TAF8: variants seen among roughly 807,000 people sequenced by gnomAD.
The protein encoded by TAF8 is transcription initiation factor TFIID subunit 8.
TAF8 carries 47 observed loss-of-function variants against 36.5 expected under a neutral mutation model. The observed-to-expected ratio is 1.29, with a 90% CI of 1.02 to 1.64. The LOEUF (loss-of-function observed/expected upper bound fraction) is 1.64. TAF8 is among the 40% of genes most tolerant of loss of function. The pLI is 0.00. For missense variants in TAF8, 420 were observed against 407.6 expected, an observed-to-expected ratio of 1.03 and a Z score of -0.26; for synonymous variants, 175 against 159.5, an observed-to-expected ratio of 1.10 and a Z score of -0.73.
chr6:42,051,276 A>G, intron 1 of TAF8, 81 bp from the exon 2 acceptor site: 1 of 1,389,614 alleles, frequency 7.2e-7, no homozygotes, highest in Non-Finnish European at 9.8e-7. Flanking sequence ...TAGTAAAATA[A>G]CTTTGCTTGC....
At chr6:42,058,802 A>T (rs1338276342) in intron 5 of TAF8, among the ~76,000 whole-genome samples, 2 of 152,164 alleles carry the variant, frequency 1.3e-5, no homozygotes, top group Non-Finnish European at 2.9e-5. Context: ...GCAAGGTGTC[A>T]TGCTCCCTCT....
Position 42,067,241 on chromosome 6 carries a change from CAG to C in TAF8, c.637+785_637+786del, listed in dbSNP as rs1243551989. ...GGAGTTTTTGTGGGTTTTTTTGAGACAGAGTCTTGCTTTGTCATCCAGCCTGG... is the reference window on the plus strand; with the variant it reads ...GGAGTTTTTGTGGGTTTTTTTGAGACAGTCTTGCTTTGTCATCCAGCCTGG... On this transcript the variant is annotated intron_variant, in intron 6 of 8. Coordinates refer to ENST00000372977, the MANE Select transcript of TAF8 (RefSeq NM_138572.3). Among the ~76,000 whole-genome samples, 3 of 152,298 alleles carry C rather than the reference CAG, an allele frequency of 2.0e-5. No homozygotes were observed. The East Asian group carries it at 5.8e-4, about 29-fold the overall frequency.
At chr6:42,086,905 G>A (rs1411561411), downstream of TAF8, 2 of 778,118 alleles carry the variant, frequency 2.6e-6, no homozygotes, top group Non-Finnish European at 4.3e-6. Context: ...AGATCGCCCA[G>A]GTGACGGGCC....
chr6:42,059,968 C>G (rs1055308177), intron 5 of TAF8, among the ~76,000 whole-genome samples: 21 of 152,050 alleles, frequency 1.4e-4, no homozygotes, highest in Non-Finnish European at 3.1e-4. Flanking sequence ...GGGAGTGAAC[C>G]CGAAGGTGAG....
At chr6:42,086,407 G>A (rs1186245407), downstream of TAF8, among the ~76,000 whole-genome samples, 1 of 152,212 alleles carries the variant, frequency 6.6e-6, no homozygotes, top group Non-Finnish European at 1.5e-5. Flanking sequence ...TCATCGGTAA[G>A]TGTGGCTGAG....
intron 6 of TAF8, among the ~76,000 whole-genome samples, chr6:42,066,880 T>C (rs1765385263): frequency 6.6e-6 from 1 of 152,190 alleles, no homozygotes; most frequent in Non-Finnish European, 1.5e-5. Context: ...ACCTCAGTTT[T>C]TACAAATGTG....
Position 42,080,368 on chromosome 6 carries a change from CTTTTCT to C in TAF8, c.*2828_*2833del. On this transcript the variant is annotated 3_prime_UTR_variant, in exon 9 of 9. Transcript: ENST00000372977. ...TTCAGAGGCTATACTCTTTTTTTTT[CTTTTCT>C]TTTTTTTTTTTTTTTGAGACGGCAT... The C allele has an allele frequency of 1.1e-6, 1 of 898,952 alleles. No homozygotes were observed. Among genetic ancestry groups the C allele is most frequent in the Non-Finnish European group, 1.3e-6 (1 of 792,082 alleles). The allele number at this position is 898,952 out of a possible 1,614,324, so 55.7% of individuals were successfully genotyped here.
chr6:42,069,998 G>A (rs903550903), intron 7 of TAF8, among the ~76,000 whole-genome samples: 3 of 152,170 alleles, frequency 2.0e-5, no homozygotes, highest in African/African-American at 7.2e-5. Context: ...GGAGGACTGA[G>A]AATTCAACCA....
chr6:42,068,233 G>C (rs1316706029), intron 6 of TAF8, among the ~76,000 whole-genome samples: 2 of 152,204 alleles, frequency 1.3e-5, no homozygotes, highest in African/African-American at 4.8e-5. Flanking sequence ...GCTTGGGAAA[G>C]TCATTTCACC....
chr6:42,066,359 T>C lies in TAF8; in HGVS notation c.537T>C (p.Ala179=), dbSNP rs368485035. The C allele has an allele frequency of 2.9e-5, 47 of 1,614,090 alleles. No individual in the cohort carries two copies. Among genetic ancestry groups the C allele is most frequent in the South Asian group, 4.4e-5 (4 of 91,088 alleles). ...VSDYQVLREK[A]ASQRRDVERA... ...ACTACCAGGTCCTGCGGGAGAAGGC[T>C]GCATCCCAGAGGCGCGATGTGGAGC... is the stretch of plus-strand genomic sequence containing the variant. The change falls in exon 6 of 9, where the codon GCT becomes GCC. Residue 179 remains alanine (A), a synonymous_variant. Transcript: ENST00000372977.
chr6:42,061,491 C>T (rs1191391265), intron 5 of TAF8, among the ~76,000 whole-genome samples: 2 of 152,036 alleles, frequency 1.3e-5, no homozygotes, highest in Non-Finnish European at 2.9e-5. Flanking sequence ...TTAAAGAGGA[C>T]CAAAATGAGA....
intron 5 of TAF8, among the ~76,000 whole-genome samples, chr6:42,061,673 T>C (rs1765194336): frequency 1.3e-5 from 2 of 152,170 alleles, no homozygotes; most frequent in Admixed American, 6.5e-5. Context: ...TTGGAACATA[T>C]ACCAATAACA....
chr6:42,062,294 G>A (rs1207550239), intron 5 of TAF8, among the ~76,000 whole-genome samples: 1 of 152,004 alleles, frequency 6.6e-6, no homozygotes. Context: ...CCACCAAACA[G>A]TAGGTCAATT....
chr6:42,072,753 C>T (rs926030054), intron 7 of TAF8, among the ~76,000 whole-genome samples: 9 of 151,556 alleles, frequency 5.9e-5, no homozygotes, highest in Non-Finnish European at 8.8e-5. Flanking sequence ...GACCGAGTCT[C>T]GCTCTGTCAC....
intron 7 of TAF8, among the ~76,000 whole-genome samples, chr6:42,070,566 G>A (rs1045091918): frequency 4.6e-5 from 7 of 152,138 alleles, no homozygotes; most frequent in Non-Finnish European, 7.4e-5. Context: ...AGCCACATAC[G>A]GCCAGTGGCT....
chr6:42,063,488 A>G (rs538973371), intron 5 of TAF8: 1 of 152,358 alleles, frequency 6.6e-6, no homozygotes, highest in Non-Finnish European at 1.5e-5. Flanking sequence ...AATAATGTAC[A>G]TTAAAAGATA....
intron 5 of TAF8, 101 bp downstream of exon 5, chr6:42,057,614 A>C (rs1765050724): frequency 6.7e-7 from 1 of 1,500,448 alleles, no homozygotes; most frequent in South Asian, 1.3e-5. Context: ...TGTTGATGAA[A>C]GAGTGGTTCA....
rs1346349461 is a variant in TAF8, at chr6:42,057,495, C to T, written c.471C>T (p.His157=). The T allele has an allele frequency of 7.4e-6, 12 of 1,614,018 alleles. No homozygotes were observed. In the African/African-American group the frequency reaches 1.3e-4, roughly 18 times the overall value. The change falls in exon 5 of 9, where the codon CAC becomes CAT. Residue 157 remains histidine, a synonymous_variant. Coordinates refer to ENST00000372977, the MANE Select transcript of TAF8 (RefSeq NM_138572.3). ...PSHFPEFPDP[H]TYIKTPTYRE... ...ATTTTCCTGAGTTCCCTGATCCCCA[C>T]ACCTACATCAAAACTCCGGTGAGTG...
chr6:42,064,265 G>T (rs1023272164), intron 5 of TAF8, among the ~76,000 whole-genome samples: 1 of 151,066 alleles, frequency 6.6e-6, no homozygotes, highest in Non-Finnish European at 1.5e-5. Context: ...GTTTTTTTGT[G>T]GGGGGTGGAC....
Sources: gnomAD v4.1 joint callset for allele counts (sites outside exome capture counted in the v4.1 genomes callset) on GRCh38, gnomAD v4.1.1 for gene constraint, MANE v1.5 for transcripts, NCBI Gene and HGNC (gene_info 2026-07-23, HGNC 2026-07-21) for gene names.